Variants in KNSTRN observed in about 807,000 individuals in gnomAD.
KNSTRN encodes small kinetochore-associated protein.
In KNSTRN, 38 loss-of-function variants were observed where a neutral mutation model predicts 44.7. The observed-to-expected ratio is 0.85, with a 90% CI of 0.66 to 1.11. KNSTRN has a LOEUF of 1.11. Ranked by LOEUF, KNSTRN falls within the 50% of genes most tolerant of loss-of-function variation. KNSTRN has a pLI of 0.00. For synonymous variants in KNSTRN, 158 were observed against 148.1 expected (o/e 1.07, Z -0.48); for missense variants, 406 against 375.8 (o/e 1.08, Z -0.66).
chr15:40,393,419 C>T (rs758054217), intron 8 of KNSTRN, 50 bp from the exon 9 acceptor site: 194 of 1,600,086 alleles, frequency 1.2e-4, no homozygotes, highest in Non-Finnish European at 1.5e-4. Flanking sequence ...TCCTGTTAGT[C>T]AAGAGTTTTG....
chr15:40,383,675 T>C (rs944815357), intron 2 of KNSTRN, among the ~76,000 whole-genome samples: 3 of 152,222 alleles, frequency 2.0e-5, no homozygotes, highest in African/African-American at 4.8e-5. Flanking sequence ...TGGGTTTGTT[T>C]TCAGGGAGGA....
chr15:40,392,187 T>TTTG (rs1890011006), intron 8 of KNSTRN, among the ~76,000 whole-genome samples, 164 bp downstream of exon 8: 1 of 26,090 alleles, frequency 3.8e-5, no homozygotes, highest in African/African-American at 1.1e-4. Flanking sequence ...TAGTAACGTG[T>TTTG]TTTTTTTTTT....
At chr15:40,385,301 C>T (rs1889884044) in intron 2 of KNSTRN, among the ~76,000 whole-genome samples, 1 of 152,150 alleles carries the variant, frequency 6.6e-6, no homozygotes, top group Non-Finnish European at 1.5e-5. Flanking sequence ...GGGGCTGGCA[C>T]AAGGATAGAG....
At chr15:40,393,044 C>A in intron 8 of KNSTRN, 1 of 638,206 alleles carries the variant, frequency 1.6e-6, no homozygotes, top group Non-Finnish European at 2.6e-6. Context: ...TGCAAATGTT[C>A]ACATCACCAA....
intron 2 of KNSTRN, chr15:40,383,551 TTCA>T (rs1450830494): frequency 2.1e-6 from 1 of 485,636 alleles, no homozygotes; most frequent in Non-Finnish European, 3.7e-6. Context: ...GTGTACTGTA[TTCA>T]TCAGTTAGAT....
At chr15:40,385,345 T>C (rs952694211) in intron 2 of KNSTRN, among the ~76,000 whole-genome samples, 2 of 152,242 alleles carry the variant, frequency 1.3e-5, no homozygotes, top group Non-Finnish European at 2.9e-5. Flanking sequence ...AAGAGTGTTA[T>C]GGCAGGGCCA....
chr15:40,390,075 T>A, intron 6 of KNSTRN, 146 bp downstream of exon 6: 2 of 642,818 alleles, frequency 3.1e-6, no homozygotes, highest in Non-Finnish European at 5.6e-6. Flanking sequence ...AAAGCTTCTG[T>A]TTGTTTTCAT....
chr15:40,389,179 C>T (rs1465815289), intron 4 of KNSTRN: 1 of 463,342 alleles, frequency 2.2e-6, no homozygotes, highest in Non-Finnish European at 4.3e-6. Context: ...GAGTTTTGCT[C>T]TTGTTGCCAC....
intron 8 of KNSTRN, chr15:40,393,163 G>T: frequency 2.5e-6 from 4 of 1,611,970 alleles, no homozygotes; most frequent in Non-Finnish European, 3.4e-6. Context: ...CCTGTAGTAA[G>T]CACAGATTCT....
At position 40,386,357 on chromosome 15, in the gene KNSTRN, T is replaced by C. The variant is rs370292252; in HGVS notation, c.305-5T>C. The C allele has an allele frequency of 7.4e-6, 12 of 1,613,002 alleles. No homozygotes were observed. The highest frequency in any genetic ancestry group is 9.3e-6 in the Non-Finnish European group (11 of 1,179,470). On this transcript the variant is annotated splice_polypyrimidine_tract_variant and splice_region_variant and intron_variant, in intron 2 of 8. Coordinates refer to ENST00000249776, the MANE Select transcript of KNSTRN (RefSeq NM_033286.4). Reference sequence around the variant, plus strand: ...AGAAGCTTTACCTCTCATTTTCCTTTGCAGACACACAAACTCGGGCCACTT... The same window carrying C: ...AGAAGCTTTACCTCTCATTTTCCTTCGCAGACACACAAACTCGGGCCACTT...
intron 8 of KNSTRN, among the ~76,000 whole-genome samples, chr15:40,392,314 A>G (rs186583600): frequency 1.8e-4 from 28 of 152,140 alleles, no homozygotes; most frequent in Admixed American, 1.0e-3. Flanking sequence ...TGAGCCCAGC[A>G]TCCATTAGCT....
At chr15:40,385,883 G>T (rs191162250) in intron 2 of KNSTRN, among the ~76,000 whole-genome samples, 2 of 152,272 alleles carry the variant, frequency 1.3e-5, no homozygotes, top group East Asian at 3.9e-4. Context: ...AAATAATTTT[G>T]GTTTTTATTG....
At chr15:40,393,108 T>C in intron 8 of KNSTRN, 1 of 1,409,734 alleles carries the variant, frequency 7.1e-7, no homozygotes, top group Admixed American at 1.7e-5. Context: ...AATTGAGAAC[T>C]ATATGTAATC....
At chr15:40,386,908 C>T in intron 3 of KNSTRN, 1 of 565,804 alleles carries the variant, frequency 1.8e-6, no homozygotes, top group Non-Finnish European at 3.2e-6. Context: ...GATAGCCACG[C>T]CATCTTGAGA....
Position 40,393,678 on chromosome 15 carries a change from T to G in KNSTRN, c.*81T>G. ...ACTTAGGACATCATCTTGGCCATGA[T>G]CTTCTGGGACTCACCATCTCCAGAA... On this transcript the variant is annotated 3_prime_UTR_variant, in exon 9 of 9. Coordinates refer to ENST00000249776, the MANE Select transcript of KNSTRN (RefSeq NM_033286.4). 1 of 1,315,500 alleles carries G rather than the reference T, an allele frequency of 7.6e-7. No homozygotes were observed. The highest frequency in any genetic ancestry group is 1.1e-6 in the Non-Finnish European group (1 of 941,264). 81.5% of individuals were successfully genotyped at this position (1,315,500 alleles called of 1,614,324 possible).
intron 8 of KNSTRN, among the ~76,000 whole-genome samples, chr15:40,392,783 A>C (rs1890022724): frequency 6.6e-6 from 1 of 151,992 alleles, no homozygotes; most frequent in Non-Finnish European, 1.5e-5. Flanking sequence ...GCTAATTTTT[A>C]TATTTTTAGT....
At chr15:40,389,168 G>T (rs993823142) in intron 4 of KNSTRN, 1 of 459,028 alleles carries the variant, frequency 2.2e-6, no homozygotes, top group Non-Finnish European at 4.3e-6. Context: ...TTTTTTAGAC[G>T]GAGTTTTGCT....
At chr15:40,390,192 A>T (rs144438817) in intron 6 of KNSTRN, among the ~76,000 whole-genome samples, 1 of 152,258 alleles carries the variant, frequency 6.6e-6, no homozygotes, top group African/African-American at 2.4e-5. Flanking sequence ...GCCAACAGGT[A>T]TGACCTTGCA....
At position 40,391,517 on chromosome 15, in the gene KNSTRN, CACG is replaced by C. The variant is rs1889996317; in HGVS notation, c.713_715del (p.Arg238del). The C allele has an allele frequency of 6.2e-7, 1 of 1,614,000 alleles. No individual in the cohort carries two copies. The highest frequency in any genetic ancestry group is 1.7e-5 in the Admixed American group (1 of 60,004). ...GCTTTAGGCAGTGAGACCCTGGCAT[CACG>C]ACAAGAATCCACTACTGATCACATG... is the stretch of plus-strand genomic sequence containing the variant. On this transcript the variant is annotated inframe_deletion, in exon 7 of 9. Coordinates refer to ENST00000249776, the MANE Select transcript of KNSTRN (RefSeq NM_033286.4).
Sources: allele counts gnomAD v4.1 joint callset (sites outside exome capture counted in the v4.1 genomes callset), GRCh38; gene constraint gnomAD v4.1.1; transcripts MANE v1.5; gene names NCBI Gene and HGNC (gene_info 2026-07-23, HGNC 2026-07-21).